The following FOXF2 variants were observed in gnomAD, a reference collection of about 807,000 sequenced individuals.
The protein encoded by FOXF2 is forkhead box protein F2.
FOXF2 carries 15 observed loss-of-function variants against 29.1 expected under a neutral mutation model. The observed-to-expected ratio is 0.52, with a 90% CI of 0.35 to 0.79. The LOEUF (loss-of-function observed/expected upper bound fraction) is 0.79, where lower values mean the gene tolerates loss of function less well. Among genes scored for constraint, FOXF2 ranks in the 30% least tolerant of loss-of-function variants. FOXF2 has a pLI of 0.01. For missense variants in FOXF2, 675 were observed against 667.1 expected (o/e 1.01, Z -0.13); for synonymous variants, 337 against 316.5 (o/e 1.06, Z -0.69).
At chr6:1,392,100 C>G (rs549802017) in intron 1 of FOXF2, among the ~76,000 whole-genome samples, 1 of 152,318 alleles carries the variant, frequency 6.6e-6, no homozygotes, top group South Asian at 2.1e-4. Context: ...ACTGGCCTCC[C>G]ACAGCAATGA....
intron 1 of FOXF2, among the ~76,000 whole-genome samples, chr6:1,393,981 T>G (rs1215216814): frequency 2.6e-5 from 4 of 152,204 alleles, no homozygotes; most frequent in South Asian, 2.1e-4. Flanking sequence ...AGCCTGGGGC[T>G]ACCTCAGGGA....
At position 1,392,434 on chromosome 6, in the gene FOXF2, T is replaced by TCACTCACACACACA. The variant is rs1554124327; in HGVS notation, c.1171+1319_1171+1320insTCACACACACACAC. ...TGTATTCCCTTGGACCGGCTGTCAA[T>TCACTCACACACACA]CACACACACACACACACACACACAC... On this transcript the variant is annotated intron_variant, in intron 1 of 1. Transcript: ENST00000645481. 3.6e-3 allele frequency among the ~76,000 whole-genome samples: 384 copies of TCACTCACACACACA among 107,752 alleles called. 4 individuals are homozygous for TCACTCACACACACA. The highest frequency in any genetic ancestry group is 5.6e-3 in the African/African-American group (165 of 29,488). 70.7% of individuals were successfully genotyped at this position (107,752 alleles called of 152,430 possible). A position where few individuals can be genotyped will look rare whatever the true frequency, so the allele number is the denominator to read the frequency against.
At position 1,394,954 on chromosome 6, in the gene FOXF2, T is replaced by C. The variant is rs1240916066; in HGVS notation, c.*95T>C. Reference sequence around the variant, plus strand: ...CGGATTCAAGTCACATGCACGCGGATAGCAGTAAGCCACACACCTGCCACT... The same window carrying C: ...CGGATTCAAGTCACATGCACGCGGACAGCAGTAAGCCACACACCTGCCACT... On this transcript the variant is annotated 3_prime_UTR_variant, in exon 2 of 2. Transcript: ENST00000645481. The C allele has an allele frequency of 2.3e-6, 3 of 1,295,950 alleles. No individual in the cohort carries two copies. Among genetic ancestry groups the C allele is most frequent in the African/African-American group, 1.5e-5 (1 of 68,710 alleles). 80.3% of individuals were successfully genotyped at this position (1,295,950 alleles called of 1,614,324 possible).
intron 1 of FOXF2, among the ~76,000 whole-genome samples, chr6:1,392,433 A>AACACACAC (rs1561785439): frequency 1.2e-5 from 1 of 86,248 alleles, no homozygotes; most frequent in Admixed American, 1.0e-4. Flanking sequence ...CCGGCTGTCA[A>AACACACAC]TCACACACAC....
Position 1,390,635 on chromosome 6 carries a change from C to A in FOXF2, c.688C>A (p.Pro230Thr). The A allele has an allele frequency of 6.3e-7, 1 of 1,581,004 alleles. No individual in the cohort carries two copies. The highest frequency in any genetic ancestry group is 8.5e-7 in the Non-Finnish European group (1 of 1,171,816). The change falls in exon 1 of 2, where the codon CCC becomes ACC. Residue 230 changes from proline (P) to threonine (T), a missense_variant. By Grantham distance (38) the Pro-to-Thr change is conservative (BLOSUM62 -1). This residue lies in a region of FOXF2 where 451 missense variants were observed against 437.2 expected (regional missense o/e 1.03). Transcript: ENST00000645481. The surrounding 1 kb of genome is among the most constrained non-coding windows in gnomAD (Gnocchi z 8.5). ...GCCCCAGGGCTTCGACTTCCAGGCG[C>A]CCCCGTCGGCGCCGCTCGGCTGCCA... is the stretch of plus-strand genomic sequence containing the variant. ...LLPQGFDFQAPPSAPLGCHSQ... is the reference protein window; with the variant it reads ...LLPQGFDFQATPSAPLGCHSQ...
rs1758736559 is a variant in FOXF2, at chr6:1,389,917, C to T, written c.-31C>T. The T allele has an allele frequency of 4.4e-6, 4 of 905,596 alleles. No individual in the cohort carries two copies. Among genetic ancestry groups the T allele is most frequent in the South Asian group, 4.9e-5 (1 of 20,562 alleles). The allele number at this position is 905,596 out of a possible 1,614,324, so 56.1% of individuals were successfully genotyped here. On this transcript the variant is annotated 5_prime_UTR_variant, in exon 1 of 2. Transcript: ENST00000645481. The stretch of plus-strand genomic sequence containing the variant: ...CTCCGCTTCCCGCCCGGGGCCCGCC[C>T]TCGCGGCCCGGCCTCGCTCCCGGGT...
chr6:1,394,123 C>A (rs930075734), intron 1 of FOXF2, among the ~76,000 whole-genome samples: 1 of 152,364 alleles, frequency 6.6e-6, no homozygotes, highest in East Asian at 1.9e-4. Context: ...AAGAGGCGTG[C>A]TTTTCTGCCC....
chr6:1,391,335 C>T (rs1758784817), intron 1 of FOXF2, among the ~76,000 whole-genome samples: 1 of 152,224 alleles, frequency 6.6e-6, no homozygotes, highest in Non-Finnish European at 1.5e-5. Flanking sequence ...GCCGAAGCTT[C>T]AGAATTGTCT....
chr6:1,390,795 C>A lies in FOXF2; in HGVS notation c.848C>A (p.Thr283Asn), dbSNP rs1040363407. ...CACATGTCGCCCAACCCGGGTTCCA[C>A]CTACATGGCCAGCTGCCCGGTGCCC... ...VPHMSPNPGS[T>N]YMASCPVPAG... Residue 283 changes from threonine to asparagine, a missense_variant, in exon 1 of 2, where the codon ACC (threonine) becomes AAC (asparagine). Physicochemically the swap from Thr to Asn is moderately conservative, Grantham distance 65. Transcript: ENST00000645481. The surrounding 1 kb of genome is among the most constrained non-coding windows in gnomAD (Gnocchi z 8.5). 2 of 1,386,230 alleles carry A rather than the reference C, an allele frequency of 1.4e-6. No individual in the cohort carries two copies. The highest frequency in any genetic ancestry group is 1.8e-6 in the Non-Finnish European group (2 of 1,081,818). The allele number at this position is 1,386,230 out of a possible 1,614,324, so 85.9% of individuals were successfully genotyped here. A position where few individuals can be genotyped will look rare whatever the true frequency, so the allele number is the denominator to read the frequency against.
At position 1,390,895 on chromosome 6, in the gene FOXF2, G is replaced by T. The variant is rs1245075693; in HGVS notation, c.948G>T (p.Pro316=). The T allele has an allele frequency of 4.3e-5, 66 of 1,536,852 alleles. No homozygotes were observed. Among genetic ancestry groups the T allele is most frequent in the Non-Finnish European group, 5.3e-5 (61 of 1,147,146 alleles). Residue 316 remains proline, a synonymous_variant, in exon 1 of 2, where the codon CCG becomes CCT. Coordinates refer to ENST00000645481, the MANE Select transcript of FOXF2 (RefSeq NM_001452.2). The surrounding 1 kb of genome is among the most constrained non-coding windows in gnomAD (Gnocchi z 8.5). ...GDYGPDSSSS[P]VPSSPAMASA... is the part of the protein sequence containing the mutation. Reference sequence around the variant, plus strand: ...ACGGGCCGGACAGCAGCAGCAGCCCGGTACCCTCGTCCCCGGCCATGGCGA... The same window carrying T: ...ACGGGCCGGACAGCAGCAGCAGCCCTGTACCCTCGTCCCCGGCCATGGCGA...
Position 1,390,998 on chromosome 6 carries a change from C to T in FOXF2, c.1051C>T (p.Gln351Ter). Residue 351 changes from glutamine (Q) to a stop codon, truncating the protein, a stop_gained, in exon 1 of 2, where the codon CAG becomes TAG. Transcript: ENST00000645481. LOFTEE classifies it high-confidence loss of function. The surrounding 1 kb of genome is among the most constrained non-coding windows in gnomAD (Gnocchi z 8.5). Reference protein sequence around the residue: ...SSPGASPYLKQPPALTPSSNP... With the variant: ...SSPGASPYLK Reference sequence around the variant, plus strand: ...GCCTGGCGCCTCGCCTTACCTCAAGCAGCCGCCTGCCCTGACGCCCAGCAG... The same window carrying T: ...GCCTGGCGCCTCGCCTTACCTCAAGTAGCCGCCTGCCCTGACGCCCAGCAG... 1 of 1,596,780 alleles carries T rather than the reference C, an allele frequency of 6.3e-7. No homozygotes were observed.
chr6:1,394,712 C>G lies in FOXF2; in HGVS notation c.1188C>G (p.Tyr396Ter), dbSNP rs1758864433. The change falls in exon 2 of 2, where the codon TAC becomes TAG. Residue 396 changes from tyrosine (Y) to a stop codon, truncating the protein, a stop_gained. Coordinates refer to ENST00000645481, the MANE Select transcript of FOXF2 (RefSeq NM_001452.2). LOFTEE classifies it high-confidence loss of function. ...REDLSVGLPR[Y>*]QHHSTPVCDR... ...TTCTTTCAGTGGGACTGCCCCGTTA[C>G]CAGCATCACTCTACTCCAGTGTGTG... 1 of 1,614,098 alleles carries G rather than the reference C, an allele frequency of 6.2e-7. No individual in the cohort carries two copies. The highest frequency in any genetic ancestry group is 8.5e-7 in the Non-Finnish European group (1 of 1,179,990).
intron 1 of FOXF2, among the ~76,000 whole-genome samples, chr6:1,393,858 G>A (rs750567292): frequency 6.6e-6 from 1 of 152,204 alleles, no homozygotes; most frequent in South Asian, 2.1e-4. Context: ...AGGAGGCGCC[G>A]AGAAAGCAAA....
At chr6:1,393,754 T>A (rs886155785) in intron 1 of FOXF2, among the ~76,000 whole-genome samples, 1 of 152,182 alleles carries the variant, frequency 6.6e-6, no homozygotes, top group African/African-American at 2.4e-5. Flanking sequence ...CCCGGGCGAA[T>A]GGACCTAACG....
rs770789563 is a variant in FOXF2 at position 1,390,815 on chromosome 6, G to A, written c.868G>A (p.Val290Met). ...TTCCACCTACATGGCCAGCTGCCCGGTGCCCGCGGGACCCGGGGGCGTCGG... is the reference window on the plus strand; with the variant it reads ...TTCCACCTACATGGCCAGCTGCCCGATGCCCGCGGGACCCGGGGGCGTCGG... The part of the protein sequence containing the change: ...PGSTYMASCP[V>M]PAGPGGVGAA... The change falls in exon 1 of 2, where the codon GTG (valine) becomes ATG (methionine). Residue 290 changes from valine to methionine, a missense_variant. By Grantham distance (21) the Val-to-Met change is conservative. Around this residue, in one of 3 missense-constraint regions of FOXF2, gnomAD observed 451 missense variants for 437.2 expected, o/e 1.03. Transcript: ENST00000645481. The surrounding 1 kb of genome is among the most constrained non-coding windows in gnomAD (Gnocchi z 8.5). 2.9e-6 allele frequency: 4 copies of A among 1,387,492 alleles called. No homozygotes were observed. Among genetic ancestry groups the A allele is most frequent in the Non-Finnish European group, 3.7e-6 (4 of 1,083,084 alleles). The allele number at this position is 1,387,492 out of a possible 1,614,324, so 85.9% of individuals were successfully genotyped here.
chr6:1,390,220 G>C lies in FOXF2; in HGVS notation c.273G>C (p.Ala91=). 1 of 1,574,414 alleles carries C rather than the reference G, an allele frequency of 6.4e-7. No individual in the cohort carries two copies. The change falls in exon 1 of 2, where the codon GCG becomes GCC. Residue 91 remains alanine, a synonymous_variant. Coordinates refer to ENST00000645481, the MANE Select transcript of FOXF2 (RefSeq NM_001452.2). The surrounding 1 kb of genome is among the most constrained non-coding windows in gnomAD (Gnocchi z 8.5). Reference sequence around the variant, plus strand: ...CCGGGAGCGGGGGCGCCAAGAAGGCGAGCTCGGGGCTGCGGCGGCCCGAGA... The same window carrying C: ...CCGGGAGCGGGGGCGCCAAGAAGGCCAGCTCGGGGCTGCGGCGGCCCGAGA... ...AGAGSGGAKK[A]SSGLRRPEKP... is the part of the protein sequence containing the mutation.
At position 1,390,503 on chromosome 6, in the gene FOXF2, G is replaced by T; in HGVS notation, c.556G>T (p.Glu186Ter). ...IDPASEFMFEEGSFRRRPRGF... is the reference protein window; with the variant it reads ...IDPASEFMFE ...CCCGGCCAGCGAGTTCATGTTCGAG[G>T]AGGGCTCGTTCCGCCGCCGGCCGCG... The change falls in exon 1 of 2, where the codon GAG (glutamate) becomes TAG (stop). Residue 186 changes from glutamate (E) to a stop codon, truncating the protein, a stop_gained. Coordinates refer to ENST00000645481, the MANE Select transcript of FOXF2 (RefSeq NM_001452.2). LOFTEE classifies it high-confidence loss of function. This position sits in a 1 kb window ranked among gnomAD's most constrained non-coding sequence, Gnocchi z 8.5. 6.2e-7 allele frequency: 1 copy of T among 1,611,422 alleles called. No individual in the cohort carries two copies.
At chr6:1,392,474 A>C (rs1408591512) in intron 1 of FOXF2, among the ~76,000 whole-genome samples, 2 of 147,164 alleles carry the variant, frequency 1.4e-5, no homozygotes, top group African/African-American at 2.5e-5. Context: ...ACACACACAC[A>C]CACCCCTCGG....
chr6:1,392,081 C>T (rs762861275), intron 1 of FOXF2, among the ~76,000 whole-genome samples: 11 of 152,188 alleles, frequency 7.2e-5, no homozygotes, highest in Non-Finnish European at 1.6e-4. Flanking sequence ...CCCCAAGCTA[C>T]TCTCTCACAC....
Sources: allele counts gnomAD v4.1 joint callset (sites outside exome capture counted in the v4.1 genomes callset), GRCh38; gene constraint gnomAD v4.1.1; regional missense constraint gnomAD v4.1.1; non-coding constraint Gnocchi (gnomAD v3.1); transcripts MANE v1.5; gene names NCBI Gene and HGNC (gene_info 2026-07-23, HGNC 2026-07-21).